Variants in BCKDHB observed in about 807,000 individuals in gnomAD.
The protein encoded by BCKDHB is 2-oxoisovalerate dehydrogenase subunit beta, mitochondrial.
Under a neutral mutation model 48.5 loss-of-function variants are expected in BCKDHB, and 41 were observed. The ratio of observed to expected loss-of-function variants is 0.85; its 90% CI spans 0.66 to 1.10. The LOEUF is 1.10. BCKDHB is among the 50% of genes least tolerant of loss of function. The pLI is 0.00. For synonymous variants in BCKDHB, 201 were observed against 174.8 expected, an observed-to-expected ratio of 1.15 and a Z score of -1.18; for missense variants, 496 against 494.2, an observed-to-expected ratio of 1.00 and a Z score of -0.03.
chr6:80,221,789 A>C (rs10943697), intron 8 of BCKDHB, among the ~76,000 whole-genome samples: 54,933 of 151,776 alleles, frequency 0.36, 11,830 homozygotes, highest in East Asian at 0.56. Context: ...TGAGAAATGT[A>C]TCAGCAATTT....
chr6:80,429,934 T>A, the BCKDHB span, among the ~76,000 whole-genome samples: 1 of 152,342 alleles, frequency 6.6e-6, no homozygotes, highest in Non-Finnish European at 1.5e-5. Flanking sequence ...GGCATCCTTG[T>A]CTCGTGCCGG....
At chr6:80,307,107 T>C (rs1442183641) in intron 9 of BCKDHB, among the ~76,000 whole-genome samples, 2 of 152,204 alleles carry the variant, frequency 1.3e-5, no homozygotes, top group Non-Finnish European at 2.9e-5. Flanking sequence ...TCAACTTGTC[T>C]TCACCACCAA....
chr6:80,234,945 A>T (rs184768630), intron 8 of BCKDHB, among the ~76,000 whole-genome samples: 4 of 152,274 alleles, frequency 2.6e-5, no homozygotes, highest in Admixed American at 2.0e-4. Context: ...TCTCATTCAT[A>T]TGTGAGAGCT....
intron 9 of BCKDHB, among the ~76,000 whole-genome samples, chr6:80,290,094 T>C (rs1385377956): frequency 1.3e-5 from 2 of 152,224 alleles, no homozygotes; most frequent in Admixed American, 6.5e-5. Context: ...TGGAAGCACA[T>C]TGGATCCTCC....
the BCKDHB span, among the ~76,000 whole-genome samples, chr6:80,357,346 C>G: frequency 6.6e-6 from 1 of 152,108 alleles, no homozygotes. Flanking sequence ...AAAAGCACAG[C>G]TGTTGAAACA....
At chr6:80,295,038 C>T (rs552740686) in intron 9 of BCKDHB, among the ~76,000 whole-genome samples, 465 of 152,290 alleles carry the variant, frequency 3.1e-3, no homozygotes, top group Middle Eastern at 0.014. Context: ...GTTTGAGGCT[C>T]AGGTGGGCAT....
chr6:80,404,915 T>C, the BCKDHB span, among the ~76,000 whole-genome samples: 1 of 152,140 alleles, frequency 6.6e-6, no homozygotes, highest in South Asian at 2.1e-4. Context: ...ATACTTGGTA[T>C]AATTTTGACC....
intron 8 of BCKDHB, among the ~76,000 whole-genome samples, chr6:80,256,693 T>C (rs1336213314): frequency 6.6e-6 from 1 of 152,220 alleles, no homozygotes. Flanking sequence ...TTCAGTTGCA[T>C]AGCACTTCTC....
At chr6:80,160,302 A>G (rs929003570) in intron 3 of BCKDHB, among the ~76,000 whole-genome samples, 98 of 152,112 alleles carry the variant, frequency 6.4e-4, no homozygotes, top group African/African-American at 2.3e-3. Context: ...GTTTACAGGC[A>G]TGCACCACCA....
At chr6:80,202,099 T>A (rs1774423810) in intron 7 of BCKDHB, among the ~76,000 whole-genome samples, 1 of 152,298 alleles carries the variant, frequency 6.6e-6, no homozygotes, top group Non-Finnish European at 1.5e-5. Flanking sequence ...GGTCAGCTCA[T>A]GACCTTACTT....
intron 8 of BCKDHB, among the ~76,000 whole-genome samples, chr6:80,238,846 T>C (rs1316810515): frequency 1.3e-5 from 2 of 152,072 alleles, no homozygotes; most frequent in Non-Finnish European, 2.9e-5. Context: ...TGAGAACATG[T>C]GGTGTTTAGT....
intron 9 of BCKDHB, among the ~76,000 whole-genome samples, chr6:80,324,675 AC>A (rs1023664643): frequency 1.3e-5 from 2 of 151,350 alleles, no homozygotes; most frequent in Non-Finnish European, 2.9e-5. Flanking sequence ...CTTTCTCACT[AC>A]CCTCCCTTCT....
rs1393012040 is a variant in BCKDHB at position 80,302,521 on chromosome 6, T to A, written c.1038+29300T>A. Reference sequence around the variant, plus strand: ...TTCTGTAATCATGACATAATCAACATGAGACATGTTAGAGGATTGGATGTT... The same window carrying A: ...TTCTGTAATCATGACATAATCAACAAGAGACATGTTAGAGGATTGGATGTT... On this transcript the variant is annotated intron_variant, in intron 9 of 9. Transcript: ENST00000320393. Among the ~76,000 whole-genome samples the A allele has an allele frequency of 3.3e-5, 5 of 152,130 alleles. No homozygotes were observed. The East Asian group carries it at 7.7e-4, about 23-fold the overall frequency.
intron 9 of BCKDHB, 134 bp from the exon 10 acceptor site, chr6:80,343,530 A>G: frequency 1.0e-6 from 1 of 988,296 alleles, no homozygotes; most frequent in East Asian, 2.6e-5. Flanking sequence ...TTTTCATATT[A>G]CAGTATACTT....
intron 9 of BCKDHB, among the ~76,000 whole-genome samples, chr6:80,333,148 C>G (rs2322753): frequency 0.46 from 70,320 of 151,944 alleles, 17,118 homozygotes; most frequent in Admixed American, 0.61. Context: ...GTACAGAATT[C>G]CCCTTGTATC....
chr6:80,374,869 T>C, the BCKDHB span, among the ~76,000 whole-genome samples: 101 of 152,338 alleles, frequency 6.6e-4, no homozygotes, highest in African/African-American at 2.2e-3. Context: ...TCCCAGCATT[T>C]GTTTGTCTGG....
chr6:80,338,534 G>T (rs3805862), intron 9 of BCKDHB, among the ~76,000 whole-genome samples: 1 of 152,044 alleles, frequency 6.6e-6, no homozygotes, highest in Non-Finnish European at 1.5e-5. Context: ...CAGGCCTTAC[G>T]TATTTTTGGT....
intron 3 of BCKDHB, among the ~76,000 whole-genome samples, chr6:80,164,314 C>G (rs911284194): frequency 6.6e-6 from 1 of 152,076 alleles, no homozygotes; most frequent in Non-Finnish European, 1.5e-5. Context: ...ATTTTCTTAC[C>G]CCATGGTTTT....
the BCKDHB span, among the ~76,000 whole-genome samples, chr6:80,357,717 A>T: frequency 6.6e-6 from 1 of 152,142 alleles, no homozygotes; most frequent in Non-Finnish European, 1.5e-5. Context: ...TACTCTGCTG[A>T]TGGAAATTTA....
Sources: gnomAD v4.1 joint callset for allele counts (sites outside exome capture counted in the v4.1 genomes callset) on GRCh38, gnomAD v4.1.1 for gene constraint, MANE v1.5 for transcripts, NCBI Gene and HGNC (gene_info 2026-07-23, HGNC 2026-07-21) for gene names.